NAGS: variants seen among roughly 807,000 people sequenced by gnomAD.
NAGS encodes the protein N-acetylglutamate synthase.
A neutral mutation model predicts 46.9 loss-of-function variants in NAGS; 34 were observed. That is an observed-to-expected ratio of 0.72 (90% confidence interval 0.55 to 0.97). The LOEUF (loss-of-function observed/expected upper bound fraction) is 0.97. NAGS is among the 50% of genes least tolerant of loss of function. NAGS has a pLI of 0.00. For synonymous variants in NAGS, 334 were observed against 346.3 expected, an observed-to-expected ratio of 0.96 and a Z score of 0.39; for missense variants, 665 against 747.0, an observed-to-expected ratio of 0.89 and a Z score of 1.28.
Position 44,007,914 on chromosome 17 carries a change from G to C in NAGS, c.1451+141G>C. On this transcript the variant is annotated intron_variant, in intron 6 of 6. Coordinates refer to ENST00000293404, the MANE Select transcript of NAGS (RefSeq NM_153006.3). This position sits in a 1 kb window ranked among gnomAD's most constrained non-coding sequence, Gnocchi z 5.1. ...CTACCTCCCAGGGGCAGAACACACA[G>C]AAAGCCTGAGATTTCCCGAGTTAAA... 1.1e-6 allele frequency: 1 copy of C among 884,794 alleles called. No homozygotes were observed. The highest frequency in any genetic ancestry group is 1.8e-6 in the Non-Finnish European group (1 of 558,888). The allele number at this position is 884,794 out of a possible 1,614,324, so 54.8% of individuals were successfully genotyped here. A position where few individuals can be genotyped will look rare whatever the true frequency, so the allele number is the denominator to read the frequency against.
Position 44,008,276 on chromosome 17 carries a change from C to A in NAGS, c.1452-172C>A, listed in dbSNP as rs531330585. On this transcript the variant is annotated intron_variant, in intron 6 of 6. Transcript: ENST00000293404. ...CTCTGTGAGCTGAGCATCACAATGCCAGGCTCAGGCCTCTGCTGTGAGGAT... is the reference window on the plus strand; with the variant it reads ...CTCTGTGAGCTGAGCATCACAATGCAAGGCTCAGGCCTCTGCTGTGAGGAT... Among the ~76,000 whole-genome samples, 8 of 151,960 alleles carry A rather than the reference C, an allele frequency of 5.3e-5. No homozygotes were observed. In the Middle Eastern group the frequency reaches 0.01, roughly 194 times the overall value.
In NAGS at chr17:44,008,947, T is replaced by G. The variant is rs1175988080; in HGVS notation, c.*346T>G. On this transcript the variant is annotated 3_prime_UTR_variant, in exon 7 of 7. Coordinates refer to ENST00000293404, the MANE Select transcript of NAGS (RefSeq NM_153006.3). ...AGTTTCTGTGCCTCTGTGCTATGTT[T>G]TGAGGCTCCCTTACCCAAAATAATA... The G allele has an allele frequency of 5.4e-6, 2 of 373,216 alleles. No individual in the cohort carries two copies. The highest frequency in any genetic ancestry group is 7.4e-5 in the Admixed American group (2 of 26,922). The allele number at this position is 373,216 out of a possible 1,614,324, so 23.1% of individuals were successfully genotyped here. A position where few individuals can be genotyped will look rare whatever the true frequency, so the allele number is the denominator to read the frequency against.
In NAGS at chr17:44,007,629, T is replaced by TG. The variant is rs1597866458; in HGVS notation, c.1313dup (p.Thr439HisfsTer52). Reference sequence around the variant, plus strand: ...GCCATTCTGACCATGGAGCCCGTCCTGGGGGGCACCCCGTACCTGGACAAA... The same window carrying TG: ...GCCATTCTGACCATGGAGCCCGTCCTGGGGGGGCACCCCGTACCTGGACAAA... On this transcript the variant is annotated frameshift_variant, in exon 6 of 7. Transcript: ENST00000293404. LOFTEE classifies it high-confidence loss of function. This position sits in a 1 kb window ranked among gnomAD's most constrained non-coding sequence, Gnocchi z 5.1. 1.2e-6 allele frequency: 2 copies of TG among 1,605,814 alleles called. No individual in the cohort carries two copies. The highest frequency in any genetic ancestry group is 1.7e-5 in the Admixed American group (1 of 58,724).
Position 44,008,921 on chromosome 17 carries a change from T to C in NAGS, c.*320T>C, listed in dbSNP as rs1240314312. ...CTCAGGACTAACCCTAAGGGTGAGCTAGTTTCTGTGCCTCTGTGCTATGTT... is the reference window on the plus strand; with the variant it reads ...CTCAGGACTAACCCTAAGGGTGAGCCAGTTTCTGTGCCTCTGTGCTATGTT... On this transcript the variant is annotated 3_prime_UTR_variant, in exon 7 of 7. Transcript: ENST00000293404. 2.3e-6 allele frequency: 1 copy of C among 437,700 alleles called. No homozygotes were observed. Among genetic ancestry groups the C allele is most frequent in the Non-Finnish European group, 4.3e-6 (1 of 234,802 alleles). The allele number at this position is 437,700 out of a possible 1,614,324, so 27.1% of individuals were successfully genotyped here. A position where few individuals can be genotyped will look rare whatever the true frequency, so the allele number is the denominator to read the frequency against.
At position 44,007,701 on chromosome 17, in the gene NAGS, T is replaced by C. The variant is rs1482272300; in HGVS notation, c.1379T>C (p.Leu460Pro). Residue 460 changes from leucine to proline, a missense_variant, in exon 6 of 7, where the codon CTG becomes CCG. By Grantham distance (98) the Leu-to-Pro change is moderately conservative. Coordinates refer to ENST00000293404, the MANE Select transcript of NAGS (RefSeq NM_153006.3). This position sits in a 1 kb window ranked among gnomAD's most constrained non-coding sequence, Gnocchi z 5.1. Reference protein sequence around the residue: ...SRQGQGSGQMLWECLRRDLQT... With the variant: ...SRQGQGSGQMPWECLRRDLQT... ...CAGGGCCAAGGCTCCGGCCAGATGC[T>C]GTGGGAGTGCCTGCGGCGGGACCTT... The C allele has an allele frequency of 3.7e-6, 6 of 1,605,778 alleles. No homozygotes were observed. Among genetic ancestry groups the C allele is most frequent in the Admixed American group, 1.7e-5 (1 of 59,320 alleles).
Position 44,007,425 on chromosome 17 carries a change from G to A in NAGS, c.1199G>A (p.Gly400Asp). ...RLVDLVNASF[G>D]KKLRDDYLAS... ...GTGGACCTGGTCAACGCCAGCTTCGGCAAGAAGCTCAGGGACGACTACCTG... is the reference window on the plus strand; with the variant it reads ...GTGGACCTGGTCAACGCCAGCTTCGACAAGAAGCTCAGGGACGACTACCTG... Residue 400 changes from glycine (G) to aspartate (D), a missense_variant, in exon 5 of 7, where the codon GGC (glycine) becomes GAC (aspartate). By Grantham distance (94) the Gly-to-Asp change is moderately conservative (BLOSUM62 -1). Coordinates refer to ENST00000293404, the MANE Select transcript of NAGS (RefSeq NM_153006.3). The surrounding 1 kb of genome is among the most constrained non-coding windows in gnomAD (Gnocchi z 5.1). 1 of 1,613,916 alleles carries A rather than the reference G, an allele frequency of 6.2e-7. No homozygotes were observed. Among genetic ancestry groups the A allele is most frequent in the South Asian group, 1.1e-5 (1 of 91,084 alleles).
rs941134328 is a variant in NAGS, at chr17:44,006,277, C to G, written c.915+40C>G. 2 of 1,600,786 alleles carry G rather than the reference C, an allele frequency of 1.2e-6. No individual in the cohort carries two copies. The highest frequency in any genetic ancestry group is 2.2e-5 in the South Asian group (2 of 89,620). ...TTCACCTTCCCCCACGCCGGCGATCCGGGCCTTCTCTTGCGCCCCTCGCAC... is the reference window on the plus strand; with the variant it reads ...TTCACCTTCCCCCACGCCGGCGATCGGGGCCTTCTCTTGCGCCCCTCGCAC... On this transcript the variant is annotated intron_variant, in intron 3 of 6. Coordinates refer to ENST00000293404, the MANE Select transcript of NAGS (RefSeq NM_153006.3). This position sits in a 1 kb window ranked among gnomAD's most constrained non-coding sequence, Gnocchi z 4.8.
In NAGS at chr17:44,008,804, C is replaced by T; in HGVS notation, c.*203C>T. The T allele has an allele frequency of 1.5e-6, 1 of 676,414 alleles. No homozygotes were observed. Among genetic ancestry groups the T allele is most frequent in the Non-Finnish European group, 2.5e-6 (1 of 393,506 alleles). 41.9% of individuals were successfully genotyped at this position (676,414 alleles called of 1,614,324 possible). ...AGGAAAGAAGGGGACCAGTCTAGGA[C>T]CCCAACTCGACTCACTCTAAAGCTA... On this transcript the variant is annotated 3_prime_UTR_variant, in exon 7 of 7. Transcript: ENST00000293404.
rs1332567009 is a variant in NAGS at position 44,006,431 on chromosome 17, G to GT, written c.916-97dup. The GT allele has an allele frequency of 6.6e-7, 1 of 1,517,474 alleles. No homozygotes were observed. Among genetic ancestry groups the GT allele is most frequent in the African/African-American group, 1.4e-5 (1 of 72,538 alleles). 94.0% of individuals were successfully genotyped at this position (1,517,474 alleles called of 1,614,324 possible). ...CCCTGGCTAAGGACTCCGGGCGGAA[G>GT]TAAGGATAAAGGGGTCAGAGAAAAG... On this transcript the variant is annotated intron_variant, in intron 3 of 6. Coordinates refer to ENST00000293404, the MANE Select transcript of NAGS (RefSeq NM_153006.3). This position sits in a 1 kb window ranked among gnomAD's most constrained non-coding sequence, Gnocchi z 4.8.
chr17:44,006,294 C>G lies in NAGS; in HGVS notation c.915+57C>G. On this transcript the variant is annotated intron_variant, in intron 3 of 6. Transcript: ENST00000293404. This position sits in a 1 kb window ranked among gnomAD's most constrained non-coding sequence, Gnocchi z 4.8. ...CGGCGATCCGGGCCTTCTCTTGCGC[C>G]CCTCGCACTTCTCCCCGACGGGCCG... The G allele has an allele frequency of 1.3e-6, 2 of 1,582,928 alleles. No homozygotes were observed. Among genetic ancestry groups the G allele is most frequent in the Non-Finnish European group, 1.7e-6 (2 of 1,162,162 alleles).
In NAGS at chr17:44,005,062, C is replaced by G. The variant is rs1395771233; in HGVS notation, c.399C>G (p.Ser133=). ...WLTQFQTCHH[S]ADKPFAVIEV... ...CGCAGTTCCAGACCTGCCATCACTC[C>G]GCGGACAAGCCCTTCGCCGTCATCG... Residue 133 remains serine, a synonymous_variant, in exon 1 of 7, where the codon TCC becomes TCG. Coordinates refer to ENST00000293404, the MANE Select transcript of NAGS (RefSeq NM_153006.3). The surrounding 1 kb of genome is among the most constrained non-coding windows in gnomAD (Gnocchi z 7.2). 1.9e-6 allele frequency: 3 copies of G among 1,573,646 alleles called. No homozygotes were observed. The highest frequency in any genetic ancestry group is 1.8e-5 in the Admixed American group (1 of 56,254).
Position 44,006,193 on chromosome 17 carries a change from A to G in NAGS, c.871A>G (p.Ile291Val), listed in dbSNP as rs762983132. 1.2e-6 allele frequency: 2 copies of G among 1,613,060 alleles called. No homozygotes were observed. The highest frequency in any genetic ancestry group is 1.3e-5 in the African/African-American group (1 of 74,848). The change falls in exon 3 of 7, where the codon ATC becomes GTC. Residue 291 changes from isoleucine to valine, a missense_variant. Ile to Val is a conservative substitution (Grantham distance 29). Transcript: ENST00000293404. This position sits in a 1 kb window ranked among gnomAD's most constrained non-coding sequence, Gnocchi z 4.8. ...LAKALRPTKI[I>V]FLNNTGGLRD... ...CAAGGCGCTGCGGCCCACCAAAATC[A>G]TCTTCCTCAATAACACAGGCGGCCT... is the stretch of plus-strand genomic sequence containing the variant.
In NAGS at chr17:44,006,927, G is replaced by A. The variant is rs562716955; in HGVS notation, c.1096+218G>A. ...GAAGGGAACTCCGAAGGAATTAAAG[G>A]AATGGGCGGGACTAGGGGGGAGAAG... On this transcript the variant is annotated intron_variant, in intron 4 of 6. Transcript: ENST00000293404. This position sits in a 1 kb window ranked among gnomAD's most constrained non-coding sequence, Gnocchi z 4.8. The A allele has an allele frequency of 2.8e-5, 12 of 434,564 alleles. No individual in the cohort carries two copies. Among genetic ancestry groups the A allele is most frequent in the African/African-American group, 8.3e-5 (4 of 48,160 alleles). The allele number at this position is 434,564 out of a possible 1,614,324, so 26.9% of individuals were successfully genotyped here.
chr17:44,006,717 C>A lies in NAGS; in HGVS notation c.1096+8C>A. On this transcript the variant is annotated splice_region_variant and intron_variant, in intron 4 of 6. Coordinates refer to ENST00000293404, the MANE Select transcript of NAGS (RefSeq NM_153006.3). This position sits in a 1 kb window ranked among gnomAD's most constrained non-coding sequence, Gnocchi z 4.8. ...AGCTCTTTAGCAACAAGGGTGAGGG[C>A]GGTGGGCGGGCCGGGGACTGGGTCC... 6.3e-7 allele frequency: 1 copy of A among 1,589,698 alleles called. No homozygotes were observed. Among genetic ancestry groups the A allele is most frequent in the Non-Finnish European group, 8.6e-7 (1 of 1,163,278 alleles).
rs2049107821 is a variant in NAGS, at chr17:44,007,402, G to A, written c.1176G>A (p.Val392=). The change falls in exon 5 of 7, where the codon GTG becomes GTA. Residue 392 remains valine (V), a synonymous_variant. Coordinates refer to ENST00000293404, the MANE Select transcript of NAGS (RefSeq NM_153006.3). This position sits in a 1 kb window ranked among gnomAD's most constrained non-coding sequence, Gnocchi z 5.1. ...ACAAGCTGGACCAGGGCCGTCTAGT[G>A]GACCTGGTCAACGCCAGCTTCGGCA... ...SLDKLDQGRL[V]DLVNASFGKK... is the part of the protein sequence containing the mutation. The A allele has an allele frequency of 6.2e-7, 1 of 1,613,796 alleles. No homozygotes were observed. The highest frequency in any genetic ancestry group is 1.3e-5 in the African/African-American group (1 of 74,926).
chr17:44,004,758 G>C lies in NAGS; in HGVS notation c.95G>C (p.Ser32Thr). The change falls in exon 1 of 7, where the codon AGC becomes ACC. Residue 32 changes from serine (S) to threonine (T), a missense_variant. Ser to Thr is a moderately conservative substitution (Grantham distance 58). Coordinates refer to ENST00000293404, the MANE Select transcript of NAGS (RefSeq NM_153006.3). ...RGGTGGARRL[S>T]CGARRRAARG... Reference sequence around the variant, plus strand: ...GGCACTGGGGGCGCCCGAAGGCTGAGCTGTGGCGCGCGGCGGCGGGCGGCG... The same window carrying C: ...GGCACTGGGGGCGCCCGAAGGCTGACCTGTGGCGCGCGGCGGCGGGCGGCG... The C allele has an allele frequency of 7.1e-7, 1 of 1,415,518 alleles. No homozygotes were observed. The highest frequency in any genetic ancestry group is 9.2e-7 in the Non-Finnish European group (1 of 1,090,282). The allele number at this position is 1,415,518 out of a possible 1,614,324, so 87.7% of individuals were successfully genotyped here. A position where few individuals can be genotyped will look rare whatever the true frequency, so the allele number is the denominator to read the frequency against.
rs997962262 is a variant in NAGS, at chr17:44,005,541, G to A, written c.427-96G>A. 2.6e-6 allele frequency: 4 copies of A among 1,520,668 alleles called. No individual in the cohort carries two copies. Among genetic ancestry groups the A allele is most frequent in the Non-Finnish European group, 3.6e-6 (4 of 1,123,620 alleles). 94.2% of individuals were successfully genotyped at this position (1,520,668 alleles called of 1,614,324 possible). On this transcript the variant is annotated intron_variant, in intron 1 of 6. Coordinates refer to ENST00000293404, the MANE Select transcript of NAGS (RefSeq NM_153006.3). This position sits in a 1 kb window ranked among gnomAD's most constrained non-coding sequence, Gnocchi z 7.2. ...CAGAACTGGGTCCTGACAGCTTCTGGAAGGGTAGGGTCACCGAGACGGCCC... is the reference window on the plus strand; with the variant it reads ...CAGAACTGGGTCCTGACAGCTTCTGAAAGGGTAGGGTCACCGAGACGGCCC...
Position 44,006,527 on chromosome 17 carries a change from A to T in NAGS, c.916-2A>T, listed in dbSNP as rs730880267. 2 of 1,552,682 alleles carry T rather than the reference A, an allele frequency of 1.3e-6. No individual in the cohort carries two copies. The highest frequency in any genetic ancestry group is 1.7e-6 in the Non-Finnish European group (2 of 1,147,952). The stretch of plus-strand genomic sequence containing the variant: ...AGGCTCACCCGCTGACTCCGGACAC[A>T]GGTCCTGAGTAACGTGAACCTGCCC... On this transcript the variant is annotated splice_acceptor_variant, in intron 3 of 6. Coordinates refer to ENST00000293404, the MANE Select transcript of NAGS (RefSeq NM_153006.3). LOFTEE classifies it high-confidence loss of function. The surrounding 1 kb of genome is among the most constrained non-coding windows in gnomAD (Gnocchi z 4.8).
Position 44,008,510 on chromosome 17 carries a change from T to G in NAGS, c.1514T>G (p.Leu505Arg), listed in dbSNP as rs1275688409. 6.2e-7 allele frequency: 1 copy of G among 1,614,262 alleles called. No homozygotes were observed. Among genetic ancestry groups the G allele is most frequent in the South Asian group, 1.1e-5 (1 of 91,090 alleles). The change falls in exon 7 of 7, where the codon CTG (leucine) becomes CGG (arginine). Residue 505 changes from leucine (L) to arginine (R), a missense_variant. By Grantham distance (102) the Leu-to-Arg change is moderately radical (BLOSUM62 -2). Coordinates refer to ENST00000293404, the MANE Select transcript of NAGS (RefSeq NM_153006.3). Reference sequence around the variant, plus strand: ...CAGTGGATCTTCTTCTGGTTTGGCCTGGCTGATATCCGGGACTCCTATGAG... The same window carrying G: ...CAGTGGATCTTCTTCTGGTTTGGCCGGGCTGATATCCGGGACTCCTATGAG... ...NKQWIFFWFG[L>R]ADIRDSYELV...
Sources: gnomAD v4.1 joint callset for allele counts (sites outside exome capture counted in the v4.1 genomes callset) on GRCh38, gnomAD v4.1.1 for gene constraint, Gnocchi (gnomAD v3.1) non-coding constraint, MANE v1.5 for transcripts, NCBI Gene and HGNC (gene_info 2026-07-23, HGNC 2026-07-21) for gene names.